Variants in NOS1AP observed in about 807,000 individuals in gnomAD.
NOS1AP encodes nitric oxide synthase 1 adaptor protein.
NOS1AP carries 21 observed loss-of-function variants against 56.2 expected under a neutral mutation model. That is an observed-to-expected ratio of 0.37 (90% CI 0.26 to 0.54). NOS1AP has a LOEUF of 0.54. Among genes scored for constraint, NOS1AP ranks in the 20% least tolerant of loss-of-function variants. The pLI, the probability that NOS1AP is intolerant of heterozygous loss-of-function variation, is 0.84. For missense variants in NOS1AP, 522 were observed against 657.8 expected, an observed-to-expected ratio of 0.79 and a Z score of 2.26; for synonymous variants, 270 against 274.6, an observed-to-expected ratio of 0.98 and a Z score of 0.17.
intron 2 of NOS1AP, among the ~76,000 whole-genome samples, chr1:162,234,497 A>G (rs1016794553): frequency 6.6e-6 from 1 of 152,094 alleles, no homozygotes; most frequent in Admixed American, 6.5e-5. Context: ...GAAGTTGGCA[A>G]GATCATTGTG....
chr1:162,320,803 G>C (rs955022945), intron 4 of NOS1AP, among the ~76,000 whole-genome samples: 1 of 152,036 alleles, frequency 6.6e-6, no homozygotes, highest in Admixed American at 6.5e-5. Context: ...GTAGTGAGCC[G>C]AGATTGCACC....
intron 4 of NOS1AP, among the ~76,000 whole-genome samples, chr1:162,307,265 G>A (rs1332024662): frequency 1.3e-5 from 2 of 152,142 alleles, no homozygotes; most frequent in Admixed American, 6.5e-5. Flanking sequence ...GAATTAACAT[G>A]TTTGACTAAA....
chr1:162,174,024 A>G lies in NOS1AP; in HGVS notation c.177+19548A>G, dbSNP rs563939607. On this transcript the variant is annotated intron_variant, in intron 2 of 9. Transcript: ENST00000361897. ...GGTGATTCCTCAGGGATCTAGAACT[A>G]GAAATACCATTTGACCCAGCCATCC... 3.9e-5 allele frequency among the ~76,000 whole-genome samples: 6 copies of G among 152,342 alleles called. No homozygotes were observed. In the South Asian group the frequency reaches 1.2e-3, roughly 32 times the overall value.
At chr1:162,138,664 C>T (rs953440356) in intron 1 of NOS1AP, among the ~76,000 whole-genome samples, 6 of 152,118 alleles carry the variant, frequency 3.9e-5, no homozygotes, top group Middle Eastern at 3.2e-3. Context: ...TTTCAGCACC[C>T]GTTTCTTCCT....
At chr1:162,098,609 A>G (rs568011112) in intron 1 of NOS1AP, among the ~76,000 whole-genome samples, 6 of 151,822 alleles carry the variant, frequency 4.0e-5, no homozygotes, top group South Asian at 2.1e-4. Context: ...AGATCATCCC[A>G]TCACCTAGGT....
intron 2 of NOS1AP, among the ~76,000 whole-genome samples, chr1:162,285,101 A>C (rs1198877732): frequency 6.6e-6 from 1 of 152,212 alleles, no homozygotes; most frequent in Non-Finnish European, 1.5e-5. Flanking sequence ...AAGAACAATA[A>C]AAGAGTTGAG....
rs143304325 is a variant in NOS1AP, at chr1:162,347,850, G to A, written c.595+3874G>A. 6.0e-4 allele frequency among the ~76,000 whole-genome samples: 91 copies of A among 152,260 alleles called. 1 individual carries two copies. In the East Asian group the frequency reaches 0.017, roughly 28 times the overall value. ...CATGGACTTTTCAGCCACAGTCAAC[G>A]CCGTTCCCTCTGCCATGGGTCCCTG... On this transcript the variant is annotated intron_variant, in intron 6 of 9. Coordinates refer to ENST00000361897, the MANE Select transcript of NOS1AP (RefSeq NM_014697.3).
chr1:162,330,685 C>G (rs1009978935), intron 4 of NOS1AP, among the ~76,000 whole-genome samples: 1 of 152,226 alleles, frequency 6.6e-6, no homozygotes, highest in African/African-American at 2.4e-5. Context: ...TGTAATTTGT[C>G]TTTTTTAAAA....
At chr1:162,076,613 C>T (rs1570989761) in intron 1 of NOS1AP, among the ~76,000 whole-genome samples, 1 of 152,186 alleles carries the variant, frequency 6.6e-6, no homozygotes, top group African/African-American at 2.4e-5. Flanking sequence ...CTGCTGTAAT[C>T]CCAGCATTTT....
intron 2 of NOS1AP, among the ~76,000 whole-genome samples, chr1:162,257,677 G>T (rs1164448782): frequency 6.6e-6 from 1 of 151,716 alleles, no homozygotes; most frequent in Admixed American, 6.6e-5. Flanking sequence ...AGAAAGCCAG[G>T]CCCCAAATCT....
intron 5 of NOS1AP, 78 bp from the exon 6 acceptor site, chr1:162,343,757 T>C (rs1219866683): frequency 6.5e-7 from 1 of 1,537,324 alleles, no homozygotes. Context: ...TCTCTTTCTT[T>C]GGCTGCTTCA....
At chr1:162,304,589 T>G (rs537106251) in intron 4 of NOS1AP, among the ~76,000 whole-genome samples, 2 of 152,188 alleles carry the variant, frequency 1.3e-5, no homozygotes, top group Non-Finnish European at 1.5e-5. Context: ...TTCTTTGGCC[T>G]CAAAACTCAC....
chr1:162,179,473 CAG>C (rs1198992653), intron 2 of NOS1AP, among the ~76,000 whole-genome samples: 1 of 152,186 alleles, frequency 6.6e-6, no homozygotes, highest in Non-Finnish European at 1.5e-5. Context: ...CTGCTAAAGA[CAG>C]AGGAAGGAAA....
chr1:162,124,682 C>T (rs1397791575), intron 1 of NOS1AP, among the ~76,000 whole-genome samples: 1 of 152,064 alleles, frequency 6.6e-6, no homozygotes, highest in Non-Finnish European at 1.5e-5. Context: ...CCAGCGCGCC[C>T]AGCTAATTTT....
chr1:162,325,498 C>A (rs1656556735), intron 4 of NOS1AP, among the ~76,000 whole-genome samples: 1 of 152,156 alleles, frequency 6.6e-6, no homozygotes, highest in South Asian at 2.1e-4. Flanking sequence ...CCCACCACCC[C>A]TTCTGATATT....
chr1:162,079,874 A>C (rs1458339780), intron 1 of NOS1AP, among the ~76,000 whole-genome samples: 1 of 152,190 alleles, frequency 6.6e-6, no homozygotes, highest in Non-Finnish European at 1.5e-5. Context: ...TGATTCCTAA[A>C]GTTGCAAATC....
chr1:162,354,896 C>G (rs533192112), intron 6 of NOS1AP, among the ~76,000 whole-genome samples: 2 of 152,386 alleles, frequency 1.3e-5, no homozygotes, highest in African/African-American at 4.8e-5. Flanking sequence ...TCAGCATCCC[C>G]TTCTTCCAGT....
At chr1:162,247,243 G>T (rs113206880) in intron 2 of NOS1AP, among the ~76,000 whole-genome samples, 1 of 152,194 alleles carries the variant, frequency 6.6e-6, no homozygotes, top group South Asian at 2.1e-4. Flanking sequence ...TCTTTCTCTC[G>T]TAATTCCTTC....
intron 2 of NOS1AP, among the ~76,000 whole-genome samples, chr1:162,206,800 A>G (rs1375469324): frequency 6.6e-6 from 1 of 152,190 alleles, no homozygotes; most frequent in Admixed American, 6.5e-5. Flanking sequence ...AATTCATTTT[A>G]CCTCATTGAG....
Sources: allele counts gnomAD v4.1 joint callset (sites outside exome capture counted in the v4.1 genomes callset), GRCh38; gene constraint gnomAD v4.1.1; transcripts MANE v1.5; gene names NCBI Gene and HGNC (gene_info 2026-07-23, HGNC 2026-07-21).